Variants in EIF2AK4 observed in about 807,000 individuals in gnomAD.
The protein encoded by EIF2AK4 is eIF-2-alpha kinase GCN2.
EIF2AK4 carries 139 observed loss-of-function variants against 211.1 expected under a neutral mutation model. The observed-to-expected ratio is 0.66, with a 90% CI of 0.57 to 0.76. The LOEUF is 0.76. EIF2AK4 is among the 30% of genes least tolerant of loss of function. EIF2AK4 has a pLI of 0.00. For synonymous variants in EIF2AK4, 710 were observed against 751.3 expected (o/e 0.94, Z 0.90); for missense variants, 1,664 against 2,043.8 (o/e 0.81, Z 3.58).
chr15:39,949,208 A>C lies in EIF2AK4; in HGVS notation c.453A>C (p.Glu151Asp). The change falls in exon 4 of 39, where the codon GAA becomes GAC. Residue 151 changes from glutamate (E) to aspartate (D), a missense_variant. Glu to Asp is a conservative substitution (Grantham distance 45). This residue lies in a region of EIF2AK4 where 641 missense variants were observed against 729.6 expected (regional missense o/e 0.88). Transcript: ENST00000263791. Reference sequence around the variant, plus strand: ...AGTCTTTTCATGAAGAAATGCTGGAAAGGCGGGCTCAGGAGGAGCAGCAGA... The same window carrying C: ...AGTCTTTTCATGAAGAAATGCTGGACAGGCGGGCTCAGGAGGAGCAGCAGA... ...PPKSFHEEML[E>D]RRAQEEQQRL... is the part of the protein sequence containing the mutation. 1 of 1,614,122 alleles carries C rather than the reference A, an allele frequency of 6.2e-7. No homozygotes were observed. Among genetic ancestry groups the C allele is most frequent in the South Asian group, 1.1e-5 (1 of 91,086 alleles).
chr15:39,967,936 C>A, intron 9 of EIF2AK4, 57 bp downstream of exon 9: 1 of 1,545,484 alleles, frequency 6.5e-7, no homozygotes, highest in Admixed American at 1.8e-5. Context: ...TTTGATTGTG[C>A]TGGAGTGTGC....
At chr15:39,936,117 A>G (rs892438696) in intron 1 of EIF2AK4, among the ~76,000 whole-genome samples, 4 of 152,250 alleles carry the variant, frequency 2.6e-5, no homozygotes, top group African/African-American at 7.2e-5. Flanking sequence ...AATGGAAGAG[A>G]AAAAGCAACT....
At chr15:40,031,333 A>G (rs774594566) in intron 35 of EIF2AK4, among the ~76,000 whole-genome samples, 17 of 152,246 alleles carry the variant, frequency 1.1e-4, no homozygotes, top group Middle Eastern at 3.2e-3. Context: ...TGAGTGTTAA[A>G]AGAGAGCAGT....
rs542738522 is a variant in EIF2AK4 at position 40,001,213 on chromosome 15, G to A, written c.3148G>A (p.Asp1050Asn). Residue 1050 changes from aspartate to asparagine, a missense_variant, in exon 21 of 39, where the codon GAC (aspartate) becomes AAC (asparagine). Coordinates refer to ENST00000263791, the MANE Select transcript of EIF2AK4 (RefSeq NM_001013703.4). ...TGCCATCGATTACACCTATGACAGC[G>A]ACATACTGAAGGTGGGCTTAAGCCA... ...SPAIDYTYDSDILKGNFSIRT... is the reference protein window; with the variant it reads ...SPAIDYTYDSNILKGNFSIRT... 21 of 1,613,148 alleles carry A rather than the reference G, an allele frequency of 1.3e-5. No individual in the cohort carries two copies. The African/African-American group carries it at 1.5e-4, about 11-fold the overall frequency.
In EIF2AK4 at chr15:40,008,126, C is replaced by A. The variant is rs936357152; in HGVS notation, c.3507C>A (p.Asn1169Lys). Residue 1169 changes from asparagine to lysine, a missense_variant, in exon 25 of 39, where the codon AAC becomes AAA. Coordinates refer to ENST00000263791, the MANE Select transcript of EIF2AK4 (RefSeq NM_001013703.4). ...TTGATATTGTCACTTCTACCACCAA[C>A]AGCTTTCTGCCCACTGCTGAAATTA... is the stretch of plus-strand genomic sequence containing the variant. ...CAFDIVTSTT[N>K]SFLPTAEIIY... is the part of the protein sequence containing the mutation. The A allele has an allele frequency of 1.9e-6, 3 of 1,612,656 alleles. No homozygotes were observed. Among genetic ancestry groups the A allele is most frequent in the Non-Finnish European group, 2.5e-6 (3 of 1,179,458 alleles).
intron 13 of EIF2AK4, among the ~76,000 whole-genome samples, chr15:39,981,721 A>G (rs1035514536): frequency 6.6e-6 from 1 of 152,172 alleles, no homozygotes; most frequent in Non-Finnish European, 1.5e-5. Context: ...ACTTGGTGTT[A>G]TAAGTATTCA....
chr15:39,992,678 C>T, intron 17 of EIF2AK4, 91 bp from the exon 18 acceptor site: 1 of 1,110,782 alleles, frequency 9.0e-7, no homozygotes, highest in Non-Finnish European at 1.4e-6. Flanking sequence ...CAGATCATGC[C>T]TCACTTTTAA....
At chr15:39,973,795 G>C (rs1348357876) in intron 11 of EIF2AK4, 46 bp downstream of exon 11, 1 of 1,600,542 alleles carries the variant, frequency 6.2e-7, no homozygotes, top group Non-Finnish European at 8.5e-7. Context: ...CTCCTTCTCT[G>C]TTCCATTTCC....
chr15:40,033,515 T>C (rs2035570488), intron 37 of EIF2AK4, among the ~76,000 whole-genome samples: 1 of 152,230 alleles, frequency 6.6e-6, no homozygotes, highest in African/African-American at 2.4e-5. Flanking sequence ...CAGGTGACTT[T>C]TGCAACATGT....
intron 9 of EIF2AK4, among the ~76,000 whole-genome samples, chr15:39,972,097 G>A (rs1656083866): frequency 6.6e-6 from 1 of 152,182 alleles, no homozygotes; most frequent in South Asian, 2.1e-4. Context: ...GGTGGCTCAC[G>A]CCTGTAATCC....
intron 8 of EIF2AK4, among the ~76,000 whole-genome samples, chr15:39,966,676 G>A (rs1239209368): frequency 6.6e-6 from 1 of 152,146 alleles, no homozygotes; most frequent in Non-Finnish European, 1.5e-5. Flanking sequence ...ATAAAGCATG[G>A]TGTTCAGAAA....
In EIF2AK4 at chr15:40,017,351, T is replaced by G. The variant is rs1595431694; in HGVS notation, c.4065+109T>G. ...CAAAAATTTGAACCAGTAATATCAT[T>G]GGATACTTCTATTAATATATGTTTC... On this transcript the variant is annotated intron_variant, in intron 29 of 38. Transcript: ENST00000263791. 4 of 1,227,010 alleles carry G rather than the reference T, an allele frequency of 3.3e-6. No homozygotes were observed. In the East Asian group the frequency reaches 1.0e-4, roughly 31 times the overall value. 76.0% of individuals were successfully genotyped at this position (1,227,010 alleles called of 1,614,324 possible).
chr15:39,939,655 T>C, intron 2 of EIF2AK4, 38 bp downstream of exon 2: 4 of 1,522,780 alleles, frequency 2.6e-6, no homozygotes, highest in Non-Finnish European at 3.6e-6. Context: ...GTGGTTTCAG[T>C]TTTCTGTTTT....
intron 16 of EIF2AK4, chr15:39,991,752 A>G (rs1445376099): frequency 6.1e-6 from 1 of 162,718 alleles, no homozygotes; most frequent in Non-Finnish European, 1.4e-5. Flanking sequence ...AGGGTGGAAC[A>G]TATTTGCTGA....
At chr15:39,981,544 T>C (rs2034785775) in intron 13 of EIF2AK4, among the ~76,000 whole-genome samples, 4 of 151,756 alleles carry the variant, frequency 2.6e-5, no homozygotes, top group Admixed American at 2.6e-4. Context: ...AACAGTGTAA[T>C]ACAGATAATC....
intron 3 of EIF2AK4, among the ~76,000 whole-genome samples, chr15:39,944,946 G>C (rs566919223): frequency 3.5e-4 from 53 of 152,306 alleles, no homozygotes; most frequent in Non-Finnish European, 6.3e-4. Flanking sequence ...CTGCTTCCAA[G>C]AACTTCAGTG....
chr15:39,979,605 G>A (rs2034751817), intron 13 of EIF2AK4, among the ~76,000 whole-genome samples: 1 of 152,076 alleles, frequency 6.6e-6, no homozygotes, highest in Non-Finnish European at 1.5e-5. Context: ...ACAAATTTTG[G>A]TAAACCATTT....
chr15:39,976,832 C>A lies in EIF2AK4; in HGVS notation c.2237C>A (p.Ser746Tyr). The change falls in exon 12 of 39, where the codon TCC becomes TAC. Residue 746 changes from serine (S) to tyrosine (Y), a missense_variant. By Grantham distance (144) the Ser-to-Tyr change is moderately radical. This residue lies in a region of EIF2AK4 where 206 missense variants were observed against 201.9 expected (regional missense o/e 1.02). Transcript: ENST00000263791. ...GAGGACGAGCACGGTGGCGTCTTCT[C>A]CCAGTCCTTCCTGTAAGCGCACGGC... ...DDEDEHGGVFSQSFLPASDSE... is the reference protein window; with the variant it reads ...DDEDEHGGVFYQSFLPASDSE... 1 of 1,522,294 alleles carries A rather than the reference C, an allele frequency of 6.6e-7. No individual in the cohort carries two copies. The highest frequency in any genetic ancestry group is 8.8e-7 in the Non-Finnish European group (1 of 1,136,668). The allele number at this position is 1,522,294 out of a possible 1,614,324, so 94.3% of individuals were successfully genotyped here.
chr15:39,969,510 G>C (rs1349374815), intron 9 of EIF2AK4, among the ~76,000 whole-genome samples: 1 of 151,790 alleles, frequency 6.6e-6, no homozygotes, highest in African/African-American at 2.4e-5. Context: ...ACAGGCGCCC[G>C]CTACTACACC....
Sources: gnomAD v4.1 joint callset for allele counts (sites outside exome capture counted in the v4.1 genomes callset) on GRCh38, gnomAD v4.1.1 for gene constraint, gnomAD v4.1.1 regional missense constraint, MANE v1.5 for transcripts, NCBI Gene and HGNC (gene_info 2026-07-23, HGNC 2026-07-21) for gene names.